Variants in THEMIS observed in about 807,000 individuals in gnomAD.
THEMIS encodes protein THEMIS.
Under a neutral mutation model 52.6 loss-of-function variants are expected in THEMIS, and 37 were observed. The observed-to-expected ratio is 0.70, with a 90% confidence interval of 0.54 to 0.93. The LOEUF (loss-of-function observed/expected upper bound fraction) is 0.93, where lower values mean the gene tolerates loss of function less well. Ranked by LOEUF, THEMIS falls within the 40% of genes least tolerant of loss-of-function variation. The probability of loss-of-function intolerance (pLI) is 0.00; values close to 1 mark genes in which losing one functional copy is unlikely to be tolerated. For missense variants in THEMIS, 808 were observed against 763.1 expected (o/e 1.06, Z -0.69); for synonymous variants, 292 against 272.7 (o/e 1.07, Z -0.70).
intron 4 of THEMIS, among the ~76,000 whole-genome samples, chr6:127,729,786 G>A (rs908094636): frequency 2.6e-5 from 4 of 152,246 alleles, no homozygotes; most frequent in Admixed American, 6.5e-5. Flanking sequence ...GTTCATTCGA[G>A]TAATGAGTTT....
At chr6:127,815,435 T>C (rs1778094329) in intron 3 of THEMIS, among the ~76,000 whole-genome samples, 1 of 152,132 alleles carries the variant, frequency 6.6e-6, no homozygotes, top group Non-Finnish European at 1.5e-5. Context: ...TCAAAAAACC[T>C]GTGTGATTTA....
the THEMIS span, among the ~76,000 whole-genome samples, chr6:127,699,938 T>A: frequency 2.0e-5 from 3 of 151,878 alleles, no homozygotes; most frequent in African/African-American, 7.2e-5. Context: ...ACATGATCCA[T>A]AAAATAAAAT....
intron 4 of THEMIS, among the ~76,000 whole-genome samples, chr6:127,738,082 C>T (rs927163761): frequency 7.4e-4 from 112 of 152,220 alleles, no homozygotes; most frequent in African/African-American, 2.4e-3. Flanking sequence ...AACAAAGCTA[C>T]GGGTAAATCC....
At chr6:127,913,355 A>G (rs1397004913) in intron 1 of THEMIS, among the ~76,000 whole-genome samples, 3 of 151,896 alleles carry the variant, frequency 2.0e-5, no homozygotes, top group African/African-American at 7.3e-5. Context: ...GTCCATTTGC[A>G]TGCTTTTTCC....
chr6:127,799,157 A>T (rs1312983711), intron 4 of THEMIS, among the ~76,000 whole-genome samples: 2 of 152,202 alleles, frequency 1.3e-5, no homozygotes, highest in Non-Finnish European at 2.9e-5. Context: ...CAGGCGATAA[A>T]CTATTGAAAA....
intron 2 of THEMIS, among the ~76,000 whole-genome samples, chr6:127,845,016 C>T (rs542194499): frequency 2.0e-5 from 3 of 150,862 alleles, no homozygotes; most frequent in Non-Finnish European, 4.4e-5. Context: ...ACCAGTGGTG[C>T]ATATATTTGG....
chr6:127,806,562 T>C (rs769188192), intron 4 of THEMIS, among the ~76,000 whole-genome samples: 4 of 152,230 alleles, frequency 2.6e-5, no homozygotes, highest in Non-Finnish European at 4.4e-5. Context: ...CCATGTTCTT[T>C]AGCCATAAAT....
At chr6:127,790,227 C>T (rs1777111974) in intron 4 of THEMIS, among the ~76,000 whole-genome samples, 1 of 152,114 alleles carries the variant, frequency 6.6e-6, no homozygotes, top group Non-Finnish European at 1.5e-5. Context: ...TCCTATACAC[C>T]AATTATGGCC....
chr6:127,832,665 A>C (rs1778734454), intron 2 of THEMIS, among the ~76,000 whole-genome samples: 1 of 151,934 alleles, frequency 6.6e-6, no homozygotes, highest in African/African-American at 2.4e-5. Flanking sequence ...GAAAGACAAG[A>C]CACATTCCAA....
chr6:127,871,163 A>G (rs1780145089), intron 1 of THEMIS, among the ~76,000 whole-genome samples: 1 of 152,158 alleles, frequency 6.6e-6, no homozygotes, highest in African/African-American at 2.4e-5. Flanking sequence ...CTAAAAATCA[A>G]TAACAGAAAG....
the THEMIS span, among the ~76,000 whole-genome samples, chr6:127,701,916 A>T: frequency 2.2e-4 from 33 of 152,252 alleles, 2 homozygotes; most frequent in East Asian, 4.6e-3. Flanking sequence ...GATTTGAAGC[A>T]GGCTTTTATA....
At chr6:127,739,897 T>C (rs1181640150) in intron 4 of THEMIS, among the ~76,000 whole-genome samples, 1 of 152,218 alleles carries the variant, frequency 6.6e-6, no homozygotes, top group Non-Finnish European at 1.5e-5. Flanking sequence ...TGGTTCTTAA[T>C]ACCATTAACT....
chr6:127,764,499 C>T (rs546127321), intron 4 of THEMIS, among the ~76,000 whole-genome samples: 2 of 152,082 alleles, frequency 1.3e-5, no homozygotes, highest in Non-Finnish European at 2.9e-5. Flanking sequence ...GATATCATAG[C>T]TGCAGAGAAG....
chr6:127,894,432 A>T (rs1178752602), intron 1 of THEMIS, among the ~76,000 whole-genome samples: 3 of 152,038 alleles, frequency 2.0e-5, no homozygotes, highest in Non-Finnish European at 2.9e-5. Flanking sequence ...TACTGGATTT[A>T]AAAAGAAATA....
chr6:127,876,160 C>T (rs1472765737), intron 1 of THEMIS, among the ~76,000 whole-genome samples: 1 of 152,084 alleles, frequency 6.6e-6, no homozygotes, highest in Non-Finnish European at 1.5e-5. Flanking sequence ...CACAGAGTGG[C>T]AAGAGACACT....
At chr6:127,879,725 A>C (rs1443435839) in intron 1 of THEMIS, among the ~76,000 whole-genome samples, 2 of 151,928 alleles carry the variant, frequency 1.3e-5, no homozygotes, top group African/African-American at 2.4e-5. Context: ...AAGAAAAAAA[A>C]CGAGGACTTA....
At chr6:127,758,278 G>A (rs1775902414) in intron 4 of THEMIS, among the ~76,000 whole-genome samples, 1 of 150,556 alleles carries the variant, frequency 6.6e-6, no homozygotes, top group South Asian at 2.1e-4. Context: ...TATCCCAAAA[G>A]AGGAAATACA....
intron 4 of THEMIS, among the ~76,000 whole-genome samples, chr6:127,775,128 G>A (rs1201709952): frequency 1.3e-5 from 2 of 152,086 alleles, no homozygotes; most frequent in African/African-American, 4.8e-5. Flanking sequence ...ATGTTCCCTG[G>A]GGTGGTTCTT....
chr6:127,732,132 C>T (rs1774832955), intron 4 of THEMIS, among the ~76,000 whole-genome samples: 1 of 151,384 alleles, frequency 6.6e-6, no homozygotes, highest in Non-Finnish European at 1.5e-5. Context: ...TCTTCATATT[C>T]TCGTTGCTCA....
Sources: gnomAD v4.1 joint callset for allele counts (sites outside exome capture counted in the v4.1 genomes callset) on GRCh38, gnomAD v4.1.1 for gene constraint, MANE v1.5 for transcripts, NCBI Gene and HGNC (gene_info 2026-07-23, HGNC 2026-07-21) for gene names.